Variants in MSI2 observed in about 807,000 individuals in gnomAD.
The protein encoded by MSI2 is musashi RNA binding protein 2.
In MSI2, 17 loss-of-function variants were observed where a neutral mutation model predicts 45.6. That is an observed-to-expected ratio of 0.37 (90% CI 0.26 to 0.56). The LOEUF (loss-of-function observed/expected upper bound fraction) is 0.56, where lower values mean the gene tolerates loss of function less well. Among genes scored for constraint, MSI2 ranks in the 20% least tolerant of loss-of-function variants. The pLI is 0.77. For missense variants in MSI2, 293 were observed against 444.2 expected (o/e 0.66, Z 3.06); for synonymous variants, 156 against 158.2 (o/e 0.99, Z 0.11).
chr17:57,371,183 A>G (rs2083414825), intron 5 of MSI2, among the ~76,000 whole-genome samples: 1 of 152,252 alleles, frequency 6.6e-6, no homozygotes, highest in African/African-American at 2.4e-5. Context: ...AAAAAACAGA[A>G]TAAAACACCA....
At chr17:57,347,915 GCTGA>G (rs1224047175) in intron 5 of MSI2, among the ~76,000 whole-genome samples, 1 of 152,202 alleles carries the variant, frequency 6.6e-6, no homozygotes, top group African/African-American at 2.4e-5. Flanking sequence ...CAGGCCCTGG[GCTGA>G]CTATGGCGAT....
chr17:57,451,264 G>A (rs2085012979), intron 6 of MSI2, among the ~76,000 whole-genome samples: 1 of 152,158 alleles, frequency 6.6e-6, no homozygotes, highest in African/African-American at 2.4e-5. Flanking sequence ...CATGTGAATT[G>A]TGTGACGATG....
rs1243036461 is a variant in MSI2, at chr17:57,364,420, GCAAT to G, written c.313-36955_313-36952del. Among the ~76,000 whole-genome samples, 5 of 152,220 alleles carry G rather than the reference GCAAT, an allele frequency of 3.3e-5. No individual in the cohort carries two copies. The South Asian group carries it at 6.2e-4, about 19-fold the overall frequency. The stretch of plus-strand genomic sequence containing the variant: ...TGTGGAAGGCATCAGTGCTTTCAGT[GCAAT>G]CAAAGTTAAGTGCAGAAATTTAATT... On this transcript the variant is annotated intron_variant, in intron 5 of 13. Coordinates refer to ENST00000284073, the MANE Select transcript of MSI2 (RefSeq NM_138962.4).
rs1002144929 is a variant in MSI2 at position 57,280,287 on chromosome 17, G to A, written c.312+18095G>A. Among the ~76,000 whole-genome samples, 8 of 152,126 alleles carry A rather than the reference G, an allele frequency of 5.3e-5. No homozygotes were observed. Among genetic ancestry groups the A allele is most frequent in the Admixed American group, 1.3e-4 (2 of 15,270 alleles). On this transcript the variant is annotated intron_variant, in intron 5 of 13. Transcript: ENST00000284073. The surrounding 1 kb of genome is among the most constrained non-coding windows in gnomAD (Gnocchi z 4.2). ...TGGGATGGGAAATGATCAGGTTTGC[G>A]TTTTGAAAATATCTCTCTGACAGTC...
At chr17:57,594,376 G>A (rs1216757055) in intron 7 of MSI2, among the ~76,000 whole-genome samples, 5 of 152,188 alleles carry the variant, frequency 3.3e-5, no homozygotes, top group African/African-American at 1.2e-4. Flanking sequence ...TGCTCCAGGG[G>A]TCCTTGACTG....
At chr17:57,612,803 T>C (rs1461978354) in intron 8 of MSI2, among the ~76,000 whole-genome samples, 1 of 152,234 alleles carries the variant, frequency 6.6e-6, no homozygotes, top group Non-Finnish European at 1.5e-5. Flanking sequence ...CAGCAGGTTT[T>C]CATAAGACAA....
At chr17:57,396,731 A>C (rs932869896) in intron 5 of MSI2, among the ~76,000 whole-genome samples, 1 of 152,206 alleles carries the variant, frequency 6.6e-6, no homozygotes, top group Non-Finnish European at 1.5e-5. Flanking sequence ...GTCTAGATGC[A>C]GAACTTTCCA....
At chr17:57,466,522 T>G (rs2085333987) in intron 6 of MSI2, among the ~76,000 whole-genome samples, 1 of 152,208 alleles carries the variant, frequency 6.6e-6, no homozygotes, top group Non-Finnish European at 1.5e-5. Context: ...ACTTACTTCT[T>G]GCCCAGCTCT....
intron 4 of MSI2, among the ~76,000 whole-genome samples, chr17:57,261,108 A>G (rs888361328): frequency 6.6e-6 from 1 of 152,180 alleles, no homozygotes; most frequent in Non-Finnish European, 1.5e-5. Flanking sequence ...CAACGGGAAT[A>G]TTTTCACATT....
At chr17:57,332,131 C>T (rs1385098793) in intron 5 of MSI2, among the ~76,000 whole-genome samples, 1 of 144,970 alleles carries the variant, frequency 6.9e-6, no homozygotes, top group African/African-American at 2.6e-5. Context: ...AATGGAGTCT[C>T]ACTCTGTCAC....
At position 57,371,904 on chromosome 17, in the gene MSI2, A is replaced by G. The variant is rs368281957; in HGVS notation, c.313-29475A>G. Among the ~76,000 whole-genome samples, 4 of 151,274 alleles carry G rather than the reference A, an allele frequency of 2.6e-5. No individual in the cohort carries two copies. In the East Asian group the frequency reaches 5.8e-4, roughly 22 times the overall value. Reference sequence around the variant, plus strand: ...GAAAAATATATAAAGGAGCTTATATATATGAGATATATAATCTCCTTTACA... The same window carrying G: ...GAAAAATATATAAAGGAGCTTATATGTATGAGATATATAATCTCCTTTACA... On this transcript the variant is annotated intron_variant, in intron 5 of 13. Transcript: ENST00000284073.
chr17:57,271,397 G>A (rs1307871683), intron 5 of MSI2, among the ~76,000 whole-genome samples: 5 of 152,088 alleles, frequency 3.3e-5, no homozygotes, highest in African/African-American at 7.2e-5. Flanking sequence ...CGGGGGTGTC[G>A]GGCAAGCACA....
At chr17:57,623,239 G>A (rs1396703260) in intron 9 of MSI2, among the ~76,000 whole-genome samples, 1 of 152,052 alleles carries the variant, frequency 6.6e-6, no homozygotes, top group South Asian at 2.1e-4. Flanking sequence ...TAAACATCAC[G>A]CAGCAGATAT....
chr17:57,671,943 G>A (rs1912817957), intron 11 of MSI2, among the ~76,000 whole-genome samples: 1 of 152,220 alleles, frequency 6.6e-6, no homozygotes, highest in African/African-American at 2.4e-5. Flanking sequence ...CAGACAGAGA[G>A]AAGTGTCGAC....
intron 7 of MSI2, among the ~76,000 whole-genome samples, chr17:57,574,885 C>T (rs1348190051): frequency 7.0e-6 from 1 of 143,618 alleles, no homozygotes; most frequent in Non-Finnish European, 1.5e-5. Flanking sequence ...GGCTGGAGTG[C>T]AGTGGCACGA....
intron 5 of MSI2, among the ~76,000 whole-genome samples, chr17:57,314,613 C>T (rs1360885693): frequency 7.4e-6 from 1 of 134,356 alleles, no homozygotes; most frequent in Non-Finnish European, 1.5e-5. Context: ...TGCTCTGTTG[C>T]CAGGCTGGAG....
chr17:57,660,966 A>T (rs1396132070), intron 11 of MSI2, among the ~76,000 whole-genome samples: 11 of 152,228 alleles, frequency 7.2e-5, no homozygotes, highest in Admixed American at 7.2e-4. Flanking sequence ...TCAGATTTGT[A>T]TGTTAGACAA....
intron 6 of MSI2, among the ~76,000 whole-genome samples, chr17:57,453,112 T>C (rs1436693047): frequency 6.6e-6 from 1 of 151,634 alleles, no homozygotes; most frequent in Non-Finnish European, 1.5e-5. Flanking sequence ...CAAGTGATTC[T>C]GCCGCAGCCT....
chr17:57,632,610 GC>G, intron 10 of MSI2: 1 of 1,066,110 alleles, frequency 9.4e-7, no homozygotes, highest in South Asian at 4.5e-5. Context: ...TCCTGATCAG[GC>G]CCCATCTCAA....
Sources: gnomAD v4.1 joint callset for allele counts (sites outside exome capture counted in the v4.1 genomes callset) on GRCh38, gnomAD v4.1.1 for gene constraint, Gnocchi (gnomAD v3.1) non-coding constraint, MANE v1.5 for transcripts, NCBI Gene and HGNC (gene_info 2026-07-23, HGNC 2026-07-21) for gene names.